The following TTLL11 variants were observed in gnomAD, a reference collection of about 807,000 sequenced individuals.
TTLL11 encodes the protein tubulin tyrosine ligase like 11.
In TTLL11, 42 loss-of-function variants were observed where a neutral mutation model predicts 51.7. The observed-to-expected ratio is 0.81, with a 90% confidence interval of 0.64 to 1.05. TTLL11 has a LOEUF of 1.05. Among genes scored for constraint, TTLL11 ranks in the 50% least tolerant of loss-of-function variants. The probability of loss-of-function intolerance (pLI) is 0.00; values close to 1 mark genes in which losing one functional copy is unlikely to be tolerated. For missense variants in TTLL11, 799 were observed against 940.4 expected (o/e 0.85, Z 1.97); for synonymous variants, 381 against 383.5 (o/e 0.99, Z 0.08).
chr9:121,928,597 C>T (rs1437269300), intron 6 of TTLL11, among the ~76,000 whole-genome samples: 1 of 152,156 alleles, frequency 6.6e-6, no homozygotes, highest in Non-Finnish European at 1.5e-5. Flanking sequence ...CGCACGACCA[C>T]ACCCAGCTAA....
At chr9:122,061,197 G>C (rs543624575) in intron 1 of TTLL11, among the ~76,000 whole-genome samples, 1 of 152,244 alleles carries the variant, frequency 6.6e-6, no homozygotes, top group Non-Finnish European at 1.5e-5. Flanking sequence ...AAAGACACTT[G>C]TCATTGGATT....
intron 3 of TTLL11, among the ~76,000 whole-genome samples, chr9:121,991,125 C>T (rs1343062800): frequency 6.6e-6 from 1 of 152,184 alleles, no homozygotes; most frequent in Non-Finnish European, 1.5e-5. Flanking sequence ...GGTGGGTGCC[C>T]CAGTGACAGA....
chr9:122,038,109 A>T (rs1307885797), intron 2 of TTLL11, among the ~76,000 whole-genome samples: 1 of 152,206 alleles, frequency 6.6e-6, no homozygotes, highest in Non-Finnish European at 1.5e-5. Flanking sequence ...AAACTTGCTT[A>T]AGGTTTGGGA....
At chr9:121,899,234 C>T (rs566993619) in intron 6 of TTLL11, among the ~76,000 whole-genome samples, 82 of 152,158 alleles carry the variant, frequency 5.4e-4, no homozygotes, top group South Asian at 1.7e-3. Flanking sequence ...CTATCCTCTG[C>T]GTGTTTACTC....
In TTLL11 at chr9:121,816,750, G is replaced by T. The variant is rs935292591; in HGVS notation, c.*5837C>A. On this transcript the variant is annotated 3_prime_UTR_variant, in exon 9 of 9. Transcript: ENST00000321582. ...GTGTGTATAAGCATTATGCTGCGTG[G>T]TTTTTCCAGTTATATAAAAATCAAG... 3 of 152,176 alleles carry T rather than the reference G, an allele frequency of 2.0e-5. No individual in the cohort carries two copies. The highest frequency in any genetic ancestry group is 2.9e-5 in the Non-Finnish European group (2 of 68,034). The allele number at this position is 152,176 out of a possible 1,614,324, so 9.4% of individuals were successfully genotyped here. A position where few individuals can be genotyped will look rare whatever the true frequency, so the allele number is the denominator to read the frequency against.
At chr9:122,043,272 T>C (rs1844897284) in intron 1 of TTLL11, among the ~76,000 whole-genome samples, 1 of 151,944 alleles carries the variant, frequency 6.6e-6, no homozygotes. Flanking sequence ...AAAAAATCAG[T>C]GTGGTACTGG....
chr9:122,005,266 A>G (rs1198864106), intron 3 of TTLL11, among the ~76,000 whole-genome samples: 1 of 152,168 alleles, frequency 6.6e-6, no homozygotes, highest in East Asian at 1.9e-4. Context: ...GGTCCTTTCC[A>G]ACCCCTAAGA....
intron 3 of TTLL11, among the ~76,000 whole-genome samples, chr9:122,023,469 G>A (rs968707378): frequency 5.3e-5 from 8 of 151,576 alleles, no homozygotes; most frequent in South Asian, 4.1e-4. Context: ...TCCTGATAAC[G>A]AACCAAAGAC....
rs78596610 is a variant in TTLL11, at chr9:121,821,019, G to A, written c.*1568C>T. On this transcript the variant is annotated 3_prime_UTR_variant, in exon 9 of 9. Coordinates refer to ENST00000321582, the MANE Select transcript of TTLL11 (RefSeq NM_001139442.2). The surrounding 1 kb of genome is among the most constrained non-coding windows in gnomAD (Gnocchi z 5.0). The stretch of plus-strand genomic sequence containing the variant: ...GAGAGGGTGAACTCCTGGCAGGAAG[G>A]AGCTCCAGGCAAGGATGAACAGAGC... Among the ~76,000 whole-genome samples the A allele has an allele frequency of 0.019, 2,946 of 151,998 alleles. 51 individuals carry two copies. The highest frequency in any genetic ancestry group is 0.048 in the African/African-American group (1,993 of 41,444).
At position 122,031,706 on chromosome 9, in the gene TTLL11, G is replaced by A. The variant is rs749234744; in HGVS notation, c.693+17C>T. On this transcript the variant is annotated intron_variant, in intron 3 of 8. Coordinates refer to ENST00000321582, the MANE Select transcript of TTLL11 (RefSeq NM_001139442.2). ...CATAATATAATTCAGGGGTCATGGG[G>A]ACGGAGTGCCATCTACCTGAGCAAC... 1.2e-6 allele frequency: 2 copies of A among 1,611,242 alleles called. No homozygotes were observed. The highest frequency in any genetic ancestry group is 1.3e-5 in the African/African-American group (1 of 74,844).
chr9:122,023,047 G>A (rs981282756), intron 3 of TTLL11, among the ~76,000 whole-genome samples: 6 of 151,520 alleles, frequency 4.0e-5, no homozygotes, highest in African/African-American at 1.5e-4. Context: ...CAATAAAACT[G>A]AAAACTTCTA....
intron 6 of TTLL11, among the ~76,000 whole-genome samples, chr9:121,920,467 C>T (rs546102834): frequency 1.3e-5 from 2 of 152,178 alleles, no homozygotes; most frequent in African/African-American, 4.8e-5. Flanking sequence ...CTCCATATCT[C>T]TCTGGTAAAC....
intron 6 of TTLL11, among the ~76,000 whole-genome samples, chr9:121,970,883 T>A (rs1842527039): frequency 6.6e-6 from 1 of 152,230 alleles, no homozygotes; most frequent in Admixed American, 6.5e-5. Context: ...CTTTCTACTA[T>A]AAAGACACAT....
At chr9:122,088,050 T>A (rs1301551067) in intron 1 of TTLL11, among the ~76,000 whole-genome samples, 1 of 152,180 alleles carries the variant, frequency 6.6e-6, no homozygotes, top group African/African-American at 2.4e-5. Flanking sequence ...CTGGCATGGT[T>A]CACTTGGGAC....
chr9:121,895,324 GCA>G (rs1023773686), intron 6 of TTLL11, among the ~76,000 whole-genome samples: 2 of 150,968 alleles, frequency 1.3e-5, no homozygotes, highest in East Asian at 2.0e-4. Context: ...GTGAGTGTGT[GCA>G]CAGAGTTGTG....
rs1416259080 is a variant in TTLL11, at chr9:122,039,346, G to A, written c.485C>T (p.Pro162Leu). 5 of 1,613,876 alleles carry A rather than the reference G, an allele frequency of 3.1e-6. No homozygotes were observed. Among genetic ancestry groups the A allele is most frequent in the Non-Finnish European group, 3.4e-6 (4 of 1,179,914 alleles). ...AACTCCATGCCAGTAGATGTCACAAGGCAAGCGCCGGCCAAATGGGAACTA... is the reference window on the plus strand; with the variant it reads ...AACTCCATGCCAGTAGATGTCACAAAGCAAGCGCCGGCCAAATGGGAACTA... Reference protein sequence around the residue: ...WKEFPFGRRLPCDIYWHGVSF... With the variant: ...WKEFPFGRRLLCDIYWHGVSF... The change falls in exon 2 of 9, where the codon CCT becomes CTT. Residue 162 changes from proline (P) to leucine (L), a missense_variant. Physicochemically the swap from Pro to Leu is moderately conservative, Grantham distance 98. Around this residue, in one of 3 missense-constraint regions of TTLL11, gnomAD observed 468 missense variants for 612.8 expected, o/e 0.76. Coordinates refer to ENST00000321582, the MANE Select transcript of TTLL11 (RefSeq NM_001139442.2).
chr9:121,851,574 C>T (rs192170290), intron 8 of TTLL11, among the ~76,000 whole-genome samples: 1 of 152,314 alleles, frequency 6.6e-6, no homozygotes, highest in East Asian at 1.9e-4. Context: ...CGTCAATCAC[C>T]GGCAGTTGCA....
intron 6 of TTLL11, among the ~76,000 whole-genome samples, chr9:121,950,481 A>G (rs1841818938): frequency 6.6e-6 from 1 of 152,168 alleles, no homozygotes. Context: ...ATGAAACTCC[A>G]ATTTATTCAT....
chr9:122,068,279 A>G (rs1845642067), intron 1 of TTLL11, among the ~76,000 whole-genome samples: 3 of 152,210 alleles, frequency 2.0e-5, no homozygotes, highest in South Asian at 2.1e-4. Flanking sequence ...TATACAATAT[A>G]TACCTAGATA....
Sources: gnomAD v4.1 joint callset for allele counts (sites outside exome capture counted in the v4.1 genomes callset) on GRCh38, gnomAD v4.1.1 for gene constraint, gnomAD v4.1.1 regional missense constraint, Gnocchi (gnomAD v3.1) non-coding constraint, MANE v1.5 for transcripts, NCBI Gene and HGNC (gene_info 2026-07-23, HGNC 2026-07-21) for gene names.